ZFP82: variants seen among roughly 807,000 people sequenced by gnomAD.
ZFP82 encodes the protein ZFP82 zinc finger protein, also known as zinc finger protein 82 homolog.
A neutral mutation model predicts 54.0 loss-of-function variants in ZFP82; 30 were observed. That is an observed-to-expected ratio of 0.56 (90% CI 0.42 to 0.75). The LOEUF (loss-of-function observed/expected upper bound fraction) is 0.75, where lower values mean the gene tolerates loss of function less well. Ranked by LOEUF, ZFP82 falls within the 30% of genes least tolerant of loss-of-function variation. The probability of loss-of-function intolerance (pLI) is 0.00; values close to 1 mark genes in which losing one functional copy is unlikely to be tolerated. For missense variants in ZFP82, 500 were observed against 636.8 expected (o/e 0.79, Z 2.31); for synonymous variants, 194 against 209.5 (o/e 0.93, Z 0.64).
intron 4 of ZFP82, among the ~76,000 whole-genome samples, chr19:36,398,729 C>G (rs1005376633): frequency 6.6e-6 from 1 of 152,110 alleles, no homozygotes; most frequent in Admixed American, 6.6e-5. Flanking sequence ...TCTGTCACCA[C>G]AGCTGGAGTG....
In ZFP82 at chr19:36,389,126, G is replaced by A. The variant is rs1206542656; in HGVS notation, c.*3615C>T. On this transcript the variant is annotated 3_prime_UTR_variant, in exon 5 of 5. Transcript: ENST00000392161. ...GTGATCTCAGCTCACTGCAACCTCCGCCTCCTGGGTTCAAGCGATTTTCCT... is the reference window on the plus strand; with the variant it reads ...GTGATCTCAGCTCACTGCAACCTCCACCTCCTGGGTTCAAGCGATTTTCCT... Among the ~76,000 whole-genome samples the A allele has an allele frequency of 6.7e-6, 1 of 150,262 alleles. No individual in the cohort carries two copies. Among genetic ancestry groups the A allele is most frequent in the African/African-American group, 2.5e-5 (1 of 40,790 alleles).
chr19:36,389,688 C>T lies in ZFP82; in HGVS notation c.*3053G>A, dbSNP rs1045351066. Among the ~76,000 whole-genome samples, 3 of 152,288 alleles carry T rather than the reference C, an allele frequency of 2.0e-5. No homozygotes were observed. The highest frequency in any genetic ancestry group is 4.1e-4 in the South Asian group (2 of 4,824). On this transcript the variant is annotated 3_prime_UTR_variant, in exon 5 of 5. Coordinates refer to ENST00000392161, the MANE Select transcript of ZFP82 (RefSeq NM_133466.4). ...TTTACATTTGTACAATATGTAGAGA[C>T]ATTTTATTCCTTCAAATCTTGTATT...
chr19:36,396,530 C>A (rs2032296848), intron 4 of ZFP82, among the ~76,000 whole-genome samples: 1 of 152,054 alleles, frequency 6.6e-6, no homozygotes, highest in Non-Finnish European at 1.5e-5. Flanking sequence ...GTGTCAGGCA[C>A]CTGTAGTCCC....
intron 4 of ZFP82, among the ~76,000 whole-genome samples, chr19:36,398,392 C>T (rs757712714): frequency 6.6e-6 from 1 of 151,944 alleles, no homozygotes; most frequent in Non-Finnish European, 1.5e-5. Context: ...CAAAAGTTAG[C>T]GGGGTGTGGT....
Position 36,390,627 on chromosome 19 carries a change from C to T in ZFP82, c.*2114G>A, listed in dbSNP as rs553548631. 6.6e-6 allele frequency: 1 copy of T among 152,284 alleles called. No homozygotes were observed. The highest frequency in any genetic ancestry group is 2.1e-4 in the South Asian group (1 of 4,824). The allele number at this position is 152,284 out of a possible 1,614,324, so 9.4% of individuals were successfully genotyped here. On this transcript the variant is annotated 3_prime_UTR_variant, in exon 5 of 5. Transcript: ENST00000392161. ...TATAGATTAGTGTCCTGTCATTCTG[C>T]TCCATGCATTATAAGCTTCCTATCC...
chr19:36,409,448 G>A (rs1043427419), intron 2 of ZFP82, among the ~76,000 whole-genome samples: 4 of 152,142 alleles, frequency 2.6e-5, no homozygotes, highest in Non-Finnish European at 5.9e-5. Flanking sequence ...CTTATCTTAC[G>A]TACTTGGAAA....
rs970944161 is a variant in ZFP82 at position 36,389,125 on chromosome 19, C to T, written c.*3616G>A. On this transcript the variant is annotated 3_prime_UTR_variant, in exon 5 of 5. Transcript: ENST00000392161. ...TGTGATCTCAGCTCACTGCAACCTC[C>T]GCCTCCTGGGTTCAAGCGATTTTCC... Among the ~76,000 whole-genome samples, 1 of 151,636 alleles carries T rather than the reference C, an allele frequency of 6.6e-6. No individual in the cohort carries two copies. Among genetic ancestry groups the T allele is most frequent in the Non-Finnish European group, 1.5e-5 (1 of 67,918 alleles).
chr19:36,414,145 C>T (rs2032628133), intron 1 of ZFP82, among the ~76,000 whole-genome samples: 1 of 151,960 alleles, frequency 6.6e-6, no homozygotes, highest in South Asian at 2.1e-4. Context: ...CGTGATCCGC[C>T]CGCCTTGGCC....
intron 4 of ZFP82, among the ~76,000 whole-genome samples, chr19:36,397,337 C>A (rs2032313454): frequency 6.6e-6 from 1 of 152,054 alleles, no homozygotes; most frequent in Non-Finnish European, 1.5e-5. Flanking sequence ...AGGTGACCCA[C>A]CCGCCTCGGC....
At chr19:36,395,646 G>C (rs1417064632) in intron 4 of ZFP82, 1 of 151,960 alleles carries the variant, frequency 6.6e-6, no homozygotes, top group Non-Finnish European at 1.5e-5. Context: ...TTGTGTATGA[G>C]AGAGAAACAG....
chr19:36,408,586 G>A (rs1027879473), intron 2 of ZFP82, among the ~76,000 whole-genome samples: 16 of 152,132 alleles, frequency 1.1e-4, no homozygotes, highest in African/African-American at 3.6e-4. Flanking sequence ...TTGAGAGGCC[G>A]AGGTGGGAGG....
intron 3 of ZFP82, among the ~76,000 whole-genome samples, chr19:36,407,558 A>C (rs2032506023): frequency 6.6e-6 from 1 of 151,738 alleles, no homozygotes; most frequent in Non-Finnish European, 1.5e-5. Flanking sequence ...CCCTTACAAA[A>C]TATACCAACA....
At chr19:36,410,350 G>A (rs527487724) in intron 1 of ZFP82, among the ~76,000 whole-genome samples, 3 of 152,198 alleles carry the variant, frequency 2.0e-5, no homozygotes, top group Non-Finnish European at 4.4e-5. Flanking sequence ...AGGCTGAACA[G>A]GCATGGATTC....
chr19:36,402,620 A>G (rs2032407762), intron 4 of ZFP82, among the ~76,000 whole-genome samples: 1 of 152,204 alleles, frequency 6.6e-6, no homozygotes, highest in Non-Finnish European at 1.5e-5. Context: ...GTACCCTAAA[A>G]TAAGTGTCCT....
intron 4 of ZFP82, among the ~76,000 whole-genome samples, chr19:36,400,038 A>G (rs2032357396): frequency 6.6e-6 from 1 of 152,222 alleles, no homozygotes; most frequent in African/African-American, 2.4e-5. Flanking sequence ...AGTTAAAATA[A>G]TACTTTTATG....
Position 36,391,173 on chromosome 19 carries a change from T to A in ZFP82, c.*1568A>T, listed in dbSNP as rs1339108363. The A allele has an allele frequency of 6.6e-6, 1 of 152,068 alleles. No homozygotes were observed. Among genetic ancestry groups the A allele is most frequent in the Non-Finnish European group, 1.5e-5 (1 of 68,008 alleles). 9.4% of individuals were successfully genotyped at this position (152,068 alleles called of 1,614,324 possible). A position where few individuals can be genotyped will look rare whatever the true frequency, so the allele number is the denominator to read the frequency against. Reference sequence around the variant, plus strand: ...TGTAAAGGATAGGCAAGGTAAATATTCCATTCTTTTCCTTTATTTGTTAAT... The same window carrying A: ...TGTAAAGGATAGGCAAGGTAAATATACCATTCTTTTCCTTTATTTGTTAAT... On this transcript the variant is annotated 3_prime_UTR_variant, in exon 5 of 5. Transcript: ENST00000392161.
At chr19:36,406,776 G>A (rs1343661580) in intron 3 of ZFP82, among the ~76,000 whole-genome samples, 2 of 152,078 alleles carry the variant, frequency 1.3e-5, no homozygotes, top group Non-Finnish European at 2.9e-5. Flanking sequence ...CAATGTATGA[G>A]GGTTCTAGTT....
chr19:36,394,072 C>G lies in ZFP82; in HGVS notation c.268G>C (p.Glu90Gln). ...TKYETKKLSL[E>Q]NDIYEINLSQ... ...AAATTTATTTCATAAATGTCATTTT[C>G]TAAAGATAACTTCTTGGTCTCATAC... The change falls in exon 5 of 5, where the codon GAA becomes CAA. Residue 90 changes from glutamate to glutamine, a missense_variant. Coordinates refer to ENST00000392161, the MANE Select transcript of ZFP82 (RefSeq NM_133466.4). The G allele has an allele frequency of 1.2e-6, 2 of 1,610,418 alleles. No individual in the cohort carries two copies. Among genetic ancestry groups the G allele is most frequent in the Non-Finnish European group, 1.7e-6 (2 of 1,179,250 alleles).
intron 3 of ZFP82, among the ~76,000 whole-genome samples, chr19:36,407,311 C>T (rs968014350): frequency 6.6e-6 from 1 of 151,738 alleles, no homozygotes; most frequent in South Asian, 2.1e-4. Flanking sequence ...CTCCTGACCT[C>T]GTGATCCGCC....
Sources: allele counts gnomAD v4.1 joint callset (sites outside exome capture counted in the v4.1 genomes callset), GRCh38; gene constraint gnomAD v4.1.1; transcripts MANE v1.5; gene names NCBI Gene and HGNC (gene_info 2026-07-23, HGNC 2026-07-21).